The following TMEM33 variants were observed in gnomAD, a reference collection of about 807,000 sequenced individuals.
TMEM33 encodes transmembrane protein 33.
TMEM33 carries 16 observed loss-of-function variants against 29.7 expected under a neutral mutation model. The observed-to-expected ratio is 0.54, with a 90% CI of 0.36 to 0.82. The LOEUF (loss-of-function observed/expected upper bound fraction) is 0.82. Among genes scored for constraint, TMEM33 ranks in the 40% least tolerant of loss-of-function variants. TMEM33 has a pLI of 0.00. For missense variants in TMEM33, 252 were observed against 295.3 expected (o/e 0.85, Z 1.08); for synonymous variants, 112 against 109.4 (o/e 1.02, Z -0.15).
chr4:41,942,251 C>G (rs1318704385), intron 3 of TMEM33, among the ~76,000 whole-genome samples: 1 of 152,166 alleles, frequency 6.6e-6, no homozygotes, highest in Non-Finnish European at 1.5e-5. Flanking sequence ...GTCTATGATT[C>G]ATTAAAAAAT....
At chr4:41,953,518 C>G (rs1347445807) in intron 6 of TMEM33, among the ~76,000 whole-genome samples, 2 of 152,224 alleles carry the variant, frequency 1.3e-5, no homozygotes, top group African/African-American at 4.8e-5. Flanking sequence ...CACAAGAGGT[C>G]TAGCTTTTGG....
At chr4:41,940,046 C>CTTT (rs71650953) in intron 3 of TMEM33, among the ~76,000 whole-genome samples, 1,626 of 81,294 alleles carry the variant, frequency 0.02, 96 homozygotes, top group African/African-American at 0.029. Context: ...GTTAAACTTT[C>CTTT]TTTTTTTTTT....
chr4:41,943,899 CA>C, intron 4 of TMEM33, 85 bp downstream of exon 4: 1 of 1,261,614 alleles, frequency 7.9e-7, no homozygotes, highest in East Asian at 2.3e-5. Flanking sequence ...GTATTTGTCA[CA>C]AAAAGTCCCT....
In TMEM33 at chr4:41,939,477, C is replaced by G. The variant is rs892742986; in HGVS notation, c.328+94C>G. ...TCAGCAATGAAGGCATTCCATGAAG[C>G]CTGGGTTTGTTCTCGGCACTTCATT... On this transcript the variant is annotated intron_variant, in intron 3 of 6. Coordinates refer to ENST00000504986, the MANE Select transcript of TMEM33 (RefSeq NM_018126.3). 25 of 1,379,196 alleles carry G rather than the reference C, an allele frequency of 1.8e-5. No homozygotes were observed. The Admixed American group carries it at 3.8e-4, about 21-fold the overall frequency. The allele number at this position is 1,379,196 out of a possible 1,614,324, so 85.4% of individuals were successfully genotyped here.
chr4:41,950,546 T>G (rs999094723), intron 6 of TMEM33, among the ~76,000 whole-genome samples: 13 of 152,182 alleles, frequency 8.5e-5, no homozygotes, highest in Non-Finnish European at 1.9e-4. Context: ...TTCATTTTCA[T>G]TATTCTATGA....
At chr4:41,940,046 C>CCTTTTTTTTTTTT (rs1553910603) in intron 3 of TMEM33, among the ~76,000 whole-genome samples, 52 of 81,364 alleles carry the variant, frequency 6.4e-4, no homozygotes, top group African/African-American at 2.6e-3. Context: ...GTTAAACTTT[C>CCTTTTTTTTTTTT]TTTTTTTTTT....
Position 41,954,083 on chromosome 4 carries a change from G to T in TMEM33, c.628G>T (p.Glu210Ter). Residue 210 changes from glutamate (E) to a stop codon, truncating the protein, a stop_gained, in exon 7 of 7, where the codon GAA (glutamate) becomes TAA (stop). Coordinates refer to ENST00000504986, the MANE Select transcript of TMEM33 (RefSeq NM_018126.3). LOFTEE classifies it high-confidence loss of function. Reference sequence around the variant, plus strand: ...TTTGTCTTGCAGGACCTTATTTAATGAACTGAGGATTGTTGTTGAACACAT... The same window carrying T: ...TTTGTCTTGCAGGACCTTATTTAATTAACTGAGGATTGTTGTTGAACACAT... ...RNPYCRTLFN[E>*]LRIVVEHIIM... is the part of the protein sequence containing the mutation. 6.2e-7 allele frequency: 1 copy of T among 1,613,652 alleles called. No individual in the cohort carries two copies. The highest frequency in any genetic ancestry group is 1.1e-5 in the South Asian group (1 of 90,978).
In TMEM33 at chr4:41,956,511, T is replaced by A. The variant is rs1353021123; in HGVS notation, c.*2312T>A. 6.6e-6 allele frequency: 1 copy of A among 152,174 alleles called. No homozygotes were observed. The highest frequency in any genetic ancestry group is 1.5e-5 in the Non-Finnish European group (1 of 68,028). 9.4% of individuals were successfully genotyped at this position (152,174 alleles called of 1,614,324 possible). On this transcript the variant is annotated 3_prime_UTR_variant, in exon 7 of 7. Transcript: ENST00000504986. The stretch of plus-strand genomic sequence containing the variant: ...ACCATGATCCATGATTTTTTTAAAA[T>A]CATGATTGTCTTTTAAAGATCTGTG...
upstream of TMEM33, chr4:41,935,197 C>T (rs200674429): frequency 3.4e-5 from 19 of 552,272 alleles, no homozygotes; most frequent in East Asian, 4.1e-4. Flanking sequence ...AGGGCTTCAC[C>T]CCGAAGCTCC....
chr4:41,935,154 TAACCTGG>T (rs1712150815), upstream of TMEM33: 1 of 444,160 alleles, frequency 2.3e-6, no homozygotes, highest in Non-Finnish European at 4.1e-6. Flanking sequence ...GGTTCGGCAA[TAACCTGG>T]AGCCGGCGGC....
chr4:41,935,986 TCTTCA>T (rs1269324859), intron 1 of TMEM33, among the ~76,000 whole-genome samples: 3 of 152,338 alleles, frequency 2.0e-5, no homozygotes, highest in Admixed American at 1.3e-4. Flanking sequence ...GTCTTTTTCT[TCTTCA>T]CTTTGTTCTT....
chr4:41,949,424 A>G (rs779574605), intron 6 of TMEM33, 39 bp downstream of exon 6: 18 of 1,507,512 alleles, frequency 1.2e-5, no homozygotes, highest in Non-Finnish European at 1.6e-5. Flanking sequence ...TTATTTGTTG[A>G]GAGTATTGTG....
At chr4:41,949,069 A>G (rs1000112069) in intron 5 of TMEM33, among the ~76,000 whole-genome samples, 7 of 152,158 alleles carry the variant, frequency 4.6e-5, no homozygotes, top group Admixed American at 6.5e-5. Context: ...CAAAAGTAAT[A>G]CAGATAAGAA....
intron 5 of TMEM33, among the ~76,000 whole-genome samples, chr4:41,949,050 A>T (rs887943025): frequency 4.6e-5 from 7 of 152,138 alleles, no homozygotes; most frequent in African/African-American, 1.7e-4. Flanking sequence ...TTAGTATTTT[A>T]AAAAATTTCA....
intron 4 of TMEM33, 104 bp from the exon 5 acceptor site, chr4:41,944,689 A>G (rs1712700954): frequency 7.8e-7 from 1 of 1,282,304 alleles, no homozygotes; most frequent in South Asian, 1.4e-5. Flanking sequence ...AAAGTAGTAT[A>G]TTTGGTTGTA....
chr4:41,939,441 T>G, intron 3 of TMEM33, 58 bp downstream of exon 3: 61 of 1,527,276 alleles, frequency 4.0e-5, no homozygotes, highest in Non-Finnish European at 4.7e-5. Flanking sequence ...AGGAGATCTC[T>G]TCTGATTATT....
rs980468733 is a variant in TMEM33, at chr4:41,960,670, ACT to A, written c.*6473_*6474del. ...GTTAGAATAAGGTGAATTTGAACACACTCCTCTTATCCTCAGCCCATCACAAA... is the reference window on the plus strand; with the variant it reads ...GTTAGAATAAGGTGAATTTGAACACACCTCTTATCCTCAGCCCATCACAAA... On this transcript the variant is annotated 3_prime_UTR_variant, in exon 7 of 7. Transcript: ENST00000504986. 1 of 151,916 alleles carries A rather than the reference ACT, an allele frequency of 6.6e-6. No individual in the cohort carries two copies. Among genetic ancestry groups the A allele is most frequent in the African/African-American group, 2.4e-5 (1 of 41,336 alleles). The allele number at this position is 151,916 out of a possible 1,614,324, so 9.4% of individuals were successfully genotyped here.
intron 5 of TMEM33, among the ~76,000 whole-genome samples, chr4:41,947,258 C>G (rs1357923362): frequency 6.6e-6 from 1 of 151,678 alleles, no homozygotes; most frequent in Non-Finnish European, 1.5e-5. Flanking sequence ...AAGATAGATA[C>G]CGAGACTAGT....
chr4:41,947,456 G>A (rs1712845270), intron 5 of TMEM33, among the ~76,000 whole-genome samples: 1 of 152,060 alleles, frequency 6.6e-6, no homozygotes. Context: ...GGAGCACCAG[G>A]TTTTGACTGC....
Sources: allele counts gnomAD v4.1 joint callset (sites outside exome capture counted in the v4.1 genomes callset), GRCh38; gene constraint gnomAD v4.1.1; transcripts MANE v1.5; gene names NCBI Gene and HGNC (gene_info 2026-07-23, HGNC 2026-07-21).